Variants in GALNT4 observed in about 807,000 individuals in gnomAD.
GALNT4 encodes UDP-GalNAc:polypeptide N-acetylgalactosaminyltransferase 4.
Under a neutral mutation model 45.1 loss-of-function variants are expected in GALNT4, and 23 were observed. That is an observed-to-expected ratio of 0.51 (90% CI 0.37 to 0.72). GALNT4 has a LOEUF of 0.72. GALNT4 is among the 30% of genes least tolerant of loss of function. GALNT4 has a pLI of 0.00. For synonymous variants in GALNT4, 264 were observed against 257.6 expected (o/e 1.02, Z -0.24); for missense variants, 757 against 709.0 (o/e 1.07, Z -0.77).
Position 89,523,188 on chromosome 12 carries a change from C to G in GALNT4, c.1362G>C (p.Ser454=), listed in dbSNP as rs372635919. 3 of 1,613,812 alleles carry G rather than the reference C, an allele frequency of 1.9e-6. No individual in the cohort carries two copies. The highest frequency in any genetic ancestry group is 1.1e-5 in the South Asian group (1 of 91,072). ...GAGAATTATAATCTAAACATTCAGA[C>G]GAGATCCCTCTACTGCGAATAGCCC... ...WHGAIRSRGI[S]SECLDYNSPD... The change falls in exon 1 of 1, where the codon TCG becomes TCC. Residue 454 remains serine, a synonymous_variant. Transcript: ENST00000529983.
rs199792533 is a variant in GALNT4 at position 89,523,588 on chromosome 12, A to T, written c.962T>A (p.Phe321Tyr). The change falls in exon 1 of 1, where the codon TTT (phenylalanine) becomes TAT (tyrosine). Residue 321 changes from phenylalanine to tyrosine, a missense_variant. Transcript: ENST00000529983. ...GGLFAVSKKY[F>Y]QYLGTYDTGM... ...TGTGTCATACGTTCCAAGGTACTGA[A>T]AATATTTCTTGCTGACAGCAAACAG... The T allele has an allele frequency of 4.0e-4, 629 of 1,571,246 alleles. 4 individuals are homozygous for T. The African/African-American group carries it at 7.7e-3, about 19-fold the overall frequency.
Position 89,522,038 on chromosome 12 carries a change from A to G in GALNT4, c.*775T>C, listed in dbSNP as rs1479800286. ...GTACATTCATAACTTAAGGAAGTGC[A>G]ATCAGAAAATGCCCTACACACACAA... On this transcript the variant is annotated 3_prime_UTR_variant, in exon 1 of 1. Transcript: ENST00000529983. The G allele has an allele frequency of 2.5e-6, 1 of 399,032 alleles. No individual in the cohort carries two copies. The highest frequency in any genetic ancestry group is 4.4e-6 in the Non-Finnish European group (1 of 226,052). The allele number at this position is 399,032 out of a possible 1,614,324, so 24.7% of individuals were successfully genotyped here.
In GALNT4 at chr12:89,523,099, T is replaced by C. The variant is rs1391415830; in HGVS notation, c.1451A>G (p.Gln484Arg). ...LFGCHGQGGNQFFEYTSNKEI... is the reference protein window; with the variant it reads ...LFGCHGQGGNRFFEYTSNKEI... ...TTTGTTTGAAGTATATTCAAAGAAT[T>C]GATTGCCTCCTTGACCATGGCATCC... The change falls in exon 1 of 1, where the codon CAA becomes CGA. Residue 484 changes from glutamine (Q) to arginine (R), a missense_variant. Coordinates refer to ENST00000529983, the MANE Select transcript of GALNT4 (RefSeq NM_003774.5). 1 of 1,613,804 alleles carries C rather than the reference T, an allele frequency of 6.2e-7. No individual in the cohort carries two copies. Among genetic ancestry groups the C allele is most frequent in the Non-Finnish European group, 8.5e-7 (1 of 1,179,810 alleles).
Position 89,524,039 on chromosome 12 carries a change from TG to T in GALNT4, c.510del (p.Ile171SerfsTer6). On this transcript the variant is annotated frameshift_variant, in exon 1 of 1. Transcript: ENST00000529983. LOFTEE classifies it high-confidence loss of function. ...CTGTCACTCAAGTCATCCACCAAGA[TG>T]ATCTCTTTCAAAAGAACTGCAGGAG... Reference protein sequence around the residue: ...ETSPAVLLKEIILVDDLSDRV... With the variant: ...ETSPAVLLKEXILVDDLSDRV... 5 of 1,613,610 alleles carry T rather than the reference TG, an allele frequency of 3.1e-6. No individual in the cohort carries two copies. Among genetic ancestry groups the T allele is most frequent in the Non-Finnish European group, 4.2e-6 (5 of 1,179,756 alleles).
chr12:89,524,262 G>T lies in GALNT4; in HGVS notation c.288C>A (p.Leu96=), dbSNP rs1871209861. ...AAATATTGATGGCGTATCTCTCAATGAGTTCTTCTTGCTGCTTCAGTTCAT... is the reference window on the plus strand; with the variant it reads ...AAATATTGATGGCGTATCTCTCAATTAGTTCTTCTTGCTGCTTCAGTTCAT... ...NEDELKQQEE[L]IERYAINIYL... The change falls in exon 1 of 1, where the codon CTC becomes CTA. Residue 96 remains leucine (L), a synonymous_variant. Coordinates refer to ENST00000529983, the MANE Select transcript of GALNT4 (RefSeq NM_003774.5). 6.2e-7 allele frequency: 1 copy of T among 1,614,006 alleles called. No homozygotes were observed. The highest frequency in any genetic ancestry group is 1.1e-5 in the South Asian group (1 of 91,082).
chr12:89,524,700 A>G lies in GALNT4; in HGVS notation c.-151T>C. The G allele has an allele frequency of 5.0e-6, 4 of 800,932 alleles. No individual in the cohort carries two copies. In the African/African-American group the frequency reaches 5.2e-5, roughly 10 times the overall value. 49.6% of individuals were successfully genotyped at this position (800,932 alleles called of 1,614,324 possible). Reference sequence around the variant, plus strand: ...TCCTTTCCAGCCACCCAGGCTTTCCAGGGGTCACCTGAGCCCTCTCGGTCC... The same window carrying G: ...TCCTTTCCAGCCACCCAGGCTTTCCGGGGGTCACCTGAGCCCTCTCGGTCC... On this transcript the variant is annotated 5_prime_UTR_variant, in exon 1 of 1. Transcript: ENST00000529983.
chr12:89,523,652 T>C lies in GALNT4; in HGVS notation c.898A>G (p.Arg300Gly). 3.9e-6 allele frequency: 6 copies of C among 1,537,916 alleles called. No homozygotes were observed. Among genetic ancestry groups the C allele is most frequent in the Non-Finnish European group, 5.2e-6 (6 of 1,148,330 alleles). Reference sequence around the variant, plus strand: ...GTAGGTGATCTGATGGGGTCAATTCTTGATATCCGCCTGTCCCTTTCCTGT... The same window carrying C: ...GTAGGTGATCTGATGGGGTCAATTCCTGATATCCGCCTGTCCCTTTCCTGT... Reference protein sequence around the residue: ...PKQERDRRISRIDPIRSPTMA... With the variant: ...PKQERDRRISGIDPIRSPTMA... Residue 300 changes from arginine (R) to glycine (G), a missense_variant, in exon 1 of 1, where the codon AGA (arginine) becomes GGA (glycine). Arg to Gly is a moderately radical substitution (Grantham distance 125, BLOSUM62 -2). Transcript: ENST00000529983.
At position 89,524,491 on chromosome 12, in the gene GALNT4, A is replaced by T. The variant is rs2135783039; in HGVS notation, c.59T>A (p.Val20Glu). Residue 20 changes from valine (V) to glutamate (E), a missense_variant, in exon 1 of 1, where the codon GTG becomes GAG. Transcript: ENST00000529983. ...CAAGAGCTCCACGAAGATATAGGCC[A>T]CTGTTAAAAACGCCAGCAGCAGGCA... ...KSCLLLAFLT[V>E]AYIFVELLVS... The T allele has an allele frequency of 6.2e-7, 1 of 1,613,062 alleles. No homozygotes were observed. The highest frequency in any genetic ancestry group is 1.3e-5 in the African/African-American group (1 of 75,012).
At position 89,520,372 on chromosome 12, in the gene GALNT4, C is replaced by G. The variant is rs1402939328; in HGVS notation, c.*2441G>C. 18 of 151,228 alleles carry G rather than the reference C, an allele frequency of 1.2e-4. No individual in the cohort carries two copies. The highest frequency in any genetic ancestry group is 1.2e-3 in the Admixed American group (18 of 15,184). The allele number at this position is 151,228 out of a possible 1,614,324, so 9.4% of individuals were successfully genotyped here. A position where few individuals can be genotyped will look rare whatever the true frequency, so the allele number is the denominator to read the frequency against. On this transcript the variant is annotated 3_prime_UTR_variant, in exon 1 of 1. Transcript: ENST00000529983. ...GTTCTCCCATATAACAGGTGGCTAA[C>G]AAGAAAACCAAAAATAAATAAAAAG...
In GALNT4 at chr12:89,522,586, C is replaced by G. The variant is rs1452223333; in HGVS notation, c.*227G>C. 2.3e-6 allele frequency: 1 copy of G among 428,204 alleles called. No individual in the cohort carries two copies. The highest frequency in any genetic ancestry group is 4.0e-6 in the Non-Finnish European group (1 of 252,152). The allele number at this position is 428,204 out of a possible 1,614,324, so 26.5% of individuals were successfully genotyped here. A position where few individuals can be genotyped will look rare whatever the true frequency, so the allele number is the denominator to read the frequency against. Reference sequence around the variant, plus strand: ...AAGAAGAGACCATATTGACAAAACTCTTATATAAAACAACCAATAAGTAAG... The same window carrying G: ...AAGAAGAGACCATATTGACAAAACTGTTATATAAAACAACCAATAAGTAAG... On this transcript the variant is annotated 3_prime_UTR_variant, in exon 1 of 1. Coordinates refer to ENST00000529983, the MANE Select transcript of GALNT4 (RefSeq NM_003774.5).
chr12:89,520,574 T>TA lies in GALNT4; in HGVS notation c.*2238dup, dbSNP rs1340503759. On this transcript the variant is annotated 3_prime_UTR_variant, in exon 1 of 1. Transcript: ENST00000529983. Reference sequence around the variant, plus strand: ...ACGTGGAATCTGGACAATTTTTTGATAAACTTTAAGGCTGCTAAATAATTT... The same window carrying TA: ...ACGTGGAATCTGGACAATTTTTTGATAAAACTTTAAGGCTGCTAAATAATTT... The TA allele has an allele frequency of 2.0e-5, 3 of 152,226 alleles. No homozygotes were observed. Among genetic ancestry groups the TA allele is most frequent in the Admixed American group, 6.5e-5 (1 of 15,284 alleles). The allele number at this position is 152,226 out of a possible 1,614,324, so 9.4% of individuals were successfully genotyped here.
In GALNT4 at chr12:89,521,804, T is replaced by C. The variant is rs1360065575; in HGVS notation, c.*1009A>G. On this transcript the variant is annotated 3_prime_UTR_variant, in exon 1 of 1. Coordinates refer to ENST00000529983, the MANE Select transcript of GALNT4 (RefSeq NM_003774.5). ...CAATTGCCAAGGCAGTCTTTTTTCCTTGCATTTTTAAGATAAATTCTTAAA... is the reference window on the plus strand; with the variant it reads ...CAATTGCCAAGGCAGTCTTTTTTCCCTGCATTTTTAAGATAAATTCTTAAA... 2.6e-6 allele frequency: 1 copy of C among 391,706 alleles called. No homozygotes were observed. The highest frequency in any genetic ancestry group is 2.1e-5 in the African/African-American group (1 of 48,544). 24.3% of individuals were successfully genotyped at this position (391,706 alleles called of 1,614,324 possible).
rs749932324 is a variant in GALNT4, at chr12:89,523,863, G to A, written c.687C>T (p.His229=). ...CCAGCCAACCGGAATTACACTCACA[G>A]TGACAATCCAGGAAAGTGAGGACGT... is the stretch of plus-strand genomic sequence containing the variant. The part of the protein sequence containing the change: ...TGDVLTFLDC[H]CECNSGWLEP... Residue 229 remains histidine, a synonymous_variant, in exon 1 of 1, where the codon CAC becomes CAT. Coordinates refer to ENST00000529983, the MANE Select transcript of GALNT4 (RefSeq NM_003774.5). The A allele has an allele frequency of 1.3e-6, 2 of 1,562,084 alleles. No homozygotes were observed. The highest frequency in any genetic ancestry group is 4.0e-5 in the Admixed American group (2 of 50,472).
At position 89,522,337 on chromosome 12, in the gene GALNT4, T is replaced by C; in HGVS notation, c.*476A>G. 2 of 396,108 alleles carry C rather than the reference T, an allele frequency of 5.0e-6. No individual in the cohort carries two copies. The highest frequency in any genetic ancestry group is 8.9e-6 in the Non-Finnish European group (2 of 225,144). The allele number at this position is 396,108 out of a possible 1,614,324, so 24.5% of individuals were successfully genotyped here. On this transcript the variant is annotated 3_prime_UTR_variant, in exon 1 of 1. Transcript: ENST00000529983. ...AAAAAAATTAGATTAAAAAATAAAA[T>C]CTAAAATTTAATGTGCTGGCTAAAA...
At position 89,524,037 on chromosome 12, in the gene GALNT4, G is replaced by A. The variant is rs757298932; in HGVS notation, c.513C>T (p.Ile171=). The change falls in exon 1 of 1, where the codon ATC becomes ATT. Residue 171 remains isoleucine (I), a synonymous_variant. Coordinates refer to ENST00000529983, the MANE Select transcript of GALNT4 (RefSeq NM_003774.5). ...CTCTGTCACTCAAGTCATCCACCAAGATGATCTCTTTCAAAAGAACTGCAG... is the reference window on the plus strand; with the variant it reads ...CTCTGTCACTCAAGTCATCCACCAAAATGATCTCTTTCAAAAGAACTGCAG... ...TSPAVLLKEI[I]LVDDLSDRVY... 3.1e-6 allele frequency: 5 copies of A among 1,613,512 alleles called. No individual in the cohort carries two copies. The highest frequency in any genetic ancestry group is 1.3e-5 in the African/African-American group (1 of 74,916).
chr12:89,524,033 C>T lies in GALNT4; in HGVS notation c.517G>A (p.Val173Met), dbSNP rs1406970748. ...PAVLLKEIIL[V>M]DDLSDRVYLK... Reference sequence around the variant, plus strand: ...TAAACTCTGTCACTCAAGTCATCCACCAAGATGATCTCTTTCAAAAGAACT... The same window carrying T: ...TAAACTCTGTCACTCAAGTCATCCATCAAGATGATCTCTTTCAAAAGAACT... The change falls in exon 1 of 1, where the codon GTG becomes ATG. Residue 173 changes from valine to methionine, a missense_variant. Val to Met is a conservative substitution (Grantham distance 21, BLOSUM62 1). Coordinates refer to ENST00000529983, the MANE Select transcript of GALNT4 (RefSeq NM_003774.5). 5 of 1,613,374 alleles carry T rather than the reference C, an allele frequency of 3.1e-6. No individual in the cohort carries two copies. The highest frequency in any genetic ancestry group is 3.4e-6 in the Non-Finnish European group (4 of 1,179,666).
In GALNT4 at chr12:89,524,358, A is replaced by T; in HGVS notation, c.192T>A (p.Tyr64Ter). The T allele has an allele frequency of 1.2e-6, 2 of 1,614,024 alleles. No individual in the cohort carries two copies. The highest frequency in any genetic ancestry group is 2.2e-5 in the South Asian group (2 of 91,084). The change falls in exon 1 of 1, where the codon TAT (tyrosine) becomes TAA (stop). Residue 64 changes from tyrosine to a stop codon, truncating the protein, a stop_gained. Transcript: ENST00000529983. LOFTEE classifies it high-confidence loss of function. ...KNTEDLSRPL[Y>*]KKPPADSRAL... is the part of the protein sequence containing the mutation. ...CACGGGAATCTGCAGGGGGCTTCTT[A>T]TAAAGCGGTCGAGACAAATCCTCCG...
At position 89,519,743 on chromosome 12, in the gene GALNT4, A is replaced by G. The variant is rs1042967568; in HGVS notation, c.*3070T>C. On this transcript the variant is annotated 3_prime_UTR_variant, in exon 1 of 1. Coordinates refer to ENST00000529983, the MANE Select transcript of GALNT4 (RefSeq NM_003774.5). ...TGCAGGAACTTACTAATGGGTAAGTAAACAAATTTTCTTTTACAAACAAGT... is the reference window on the plus strand; with the variant it reads ...TGCAGGAACTTACTAATGGGTAAGTGAACAAATTTTCTTTTACAAACAAGT... 1.3e-5 allele frequency: 2 copies of G among 152,580 alleles called. No individual in the cohort carries two copies. Among genetic ancestry groups the G allele is most frequent in the Non-Finnish European group, 2.9e-5 (2 of 67,998 alleles). 9.5% of individuals were successfully genotyped at this position (152,580 alleles called of 1,614,324 possible).
chr12:89,521,989 G>C lies in GALNT4; in HGVS notation c.*824C>G. ...TTAAGCATTAACAAAGGGAGGCATA[G>C]TATTCTGGATGAGTCCCTTTCTAGT... On this transcript the variant is annotated 3_prime_UTR_variant, in exon 1 of 1. Transcript: ENST00000529983. 1 of 398,990 alleles carries C rather than the reference G, an allele frequency of 2.5e-6. No homozygotes were observed. The highest frequency in any genetic ancestry group is 4.4e-6 in the Non-Finnish European group (1 of 226,044). The allele number at this position is 398,990 out of a possible 1,614,324, so 24.7% of individuals were successfully genotyped here. A position where few individuals can be genotyped will look rare whatever the true frequency, so the allele number is the denominator to read the frequency against.
Sources: allele counts gnomAD v4.1 joint callset, GRCh38; gene constraint gnomAD v4.1.1; transcripts MANE v1.5; gene names NCBI Gene and HGNC (gene_info 2026-07-23, HGNC 2026-07-21).